The following NRXN1 variants were observed in gnomAD, a reference collection of about 807,000 sequenced individuals.
NRXN1 encodes the protein neurexin-1.
In NRXN1, 39 loss-of-function variants were observed where a neutral mutation model predicts 150.9. The ratio of observed to expected loss-of-function variants is 0.26; its 90% CI spans 0.20 to 0.34. The LOEUF (loss-of-function observed/expected upper bound fraction) is 0.34. NRXN1 is among the 10% of genes least tolerant of loss of function. The pLI, the probability that NRXN1 is intolerant of heterozygous loss-of-function variation, is 1.00. For missense variants in NRXN1, 1,815 were observed against 1,949.9 expected (o/e 0.93, Z 1.30); for synonymous variants, 924 against 757.0 (o/e 1.22, Z -3.62).
intron 18 of NRXN1, among the ~76,000 whole-genome samples, chr2:50,113,182 G>A (rs1702601648): frequency 6.6e-6 from 1 of 152,120 alleles, no homozygotes; most frequent in African/African-American, 2.4e-5. Context: ...GATCACAGTA[G>A]GTACTTAATA....
chr2:50,913,988 G>A (rs1256832159), intron 5 of NRXN1, among the ~76,000 whole-genome samples: 2 of 151,706 alleles, frequency 1.3e-5, no homozygotes, highest in African/African-American at 2.4e-5. Context: ...TAATGACTAC[G>A]ATTGAATGAA....
At chr2:50,604,760 A>G (rs1426560680) in intron 8 of NRXN1, among the ~76,000 whole-genome samples, 1 of 152,212 alleles carries the variant, frequency 6.6e-6, no homozygotes, top group African/African-American at 2.4e-5. Context: ...TCTCTCTTAT[A>G]GAACCTGTTT....
intron 18 of NRXN1, among the ~76,000 whole-genome samples, chr2:50,205,272 A>G (rs73930311): frequency 0.077 from 11,727 of 152,154 alleles, 575 homozygotes; most frequent in African/African-American, 0.12. Context: ...AAATGAGTAT[A>G]TGTGCTGTAG....
chr2:50,848,928 T>C (rs930234971), intron 5 of NRXN1, among the ~76,000 whole-genome samples: 3 of 152,156 alleles, frequency 2.0e-5, no homozygotes, highest in Non-Finnish European at 4.4e-5. Context: ...AGGAACAGAT[T>C]TGCCTTAACG....
chr2:49,938,629 T>A (rs1337389566), intron 22 of NRXN1, among the ~76,000 whole-genome samples: 1 of 152,200 alleles, frequency 6.6e-6, no homozygotes, highest in African/African-American at 2.4e-5. Flanking sequence ...CCATTAGCTA[T>A]CCATCCCCTA....
At chr2:50,872,564 T>C (rs980944819) in intron 5 of NRXN1, among the ~76,000 whole-genome samples, 1 of 151,660 alleles carries the variant, frequency 6.6e-6, no homozygotes, top group African/African-American at 2.4e-5. Flanking sequence ...TTATGCTAAA[T>C]AGTCAGGTCT....
chr2:50,031,000 G>C (rs1689092919), intron 21 of NRXN1, among the ~76,000 whole-genome samples: 1 of 151,762 alleles, frequency 6.6e-6, no homozygotes, highest in African/African-American at 2.4e-5. Flanking sequence ...GAGAGAGGGG[G>C]ACAAAAAAGG....
Position 50,602,907 on chromosome 2 carries a change from C to G in NRXN1, c.1320+17115G>C, listed in dbSNP as rs536461282. 5.3e-5 allele frequency among the ~76,000 whole-genome samples: 8 copies of G among 152,312 alleles called. No individual in the cohort carries two copies. The South Asian group carries it at 6.2e-4, about 12-fold the overall frequency. The stretch of plus-strand genomic sequence containing the variant: ...TTATATTCTTTAATGGACTCCAGCC[C>G]TGGGGCCAGCAGAGCTAGAACAGAA... On this transcript the variant is annotated intron_variant, in intron 8 of 22. Coordinates refer to ENST00000401669, the MANE Select transcript of NRXN1 (RefSeq NM_001330078.2).
chr2:50,154,610 A>C (rs564990964), intron 18 of NRXN1, among the ~76,000 whole-genome samples: 1 of 151,788 alleles, frequency 6.6e-6, no homozygotes, highest in East Asian at 1.9e-4. Flanking sequence ...ATATTATAGT[A>C]CTTCAATAAA....
At chr2:50,614,428 G>C (rs903573644) in intron 8 of NRXN1, among the ~76,000 whole-genome samples, 5 of 151,886 alleles carry the variant, frequency 3.3e-5, no homozygotes, top group Admixed American at 3.3e-4. Flanking sequence ...ATGAGATTTT[G>C]TTCTTACGTG....
At chr2:50,201,149 C>A (rs1300291394) in intron 18 of NRXN1, among the ~76,000 whole-genome samples, 2 of 152,084 alleles carry the variant, frequency 1.3e-5, no homozygotes, top group South Asian at 4.1e-4. Flanking sequence ...AGGCACCGTA[C>A]TAAATGCTAT....
intron 6 of NRXN1, 38 bp downstream of exon 6, chr2:50,623,276 A>G: frequency 6.4e-7 from 1 of 1,567,002 alleles, no homozygotes. Flanking sequence ...TATAGCGAGA[A>G]ACAAAGCCAG....
At chr2:49,960,905 G>A (rs1409177854) in intron 21 of NRXN1, among the ~76,000 whole-genome samples, 3 of 152,100 alleles carry the variant, frequency 2.0e-5, no homozygotes, top group African/African-American at 7.2e-5. Context: ...GGAATCCATA[G>A]CATACTATAA....
intron 5 of NRXN1, among the ~76,000 whole-genome samples, chr2:50,789,742 G>A (rs377274416): frequency 6.6e-6 from 1 of 152,200 alleles, no homozygotes; most frequent in East Asian, 1.9e-4. Context: ...TGGGGGATAT[G>A]CAGAGAAAGT....
chr2:50,680,514 C>T (rs1690223099), intron 5 of NRXN1, among the ~76,000 whole-genome samples: 1 of 152,016 alleles, frequency 6.6e-6, no homozygotes, highest in Admixed American at 6.6e-5. Flanking sequence ...AATGTTGATA[C>T]AAAGTCAAAC....
At chr2:50,503,197 A>G (rs1398991694) in intron 13 of NRXN1, among the ~76,000 whole-genome samples, 2 of 152,066 alleles carry the variant, frequency 1.3e-5, no homozygotes, top group Non-Finnish European at 2.9e-5. Context: ...AATCCCAGCT[A>G]CTTGGGAAGC....
At chr2:49,945,076 C>A (rs189987285) in intron 21 of NRXN1, 1 of 152,052 alleles carries the variant, frequency 6.6e-6, no homozygotes, top group African/African-American at 2.4e-5. Context: ...TGTTCAGATG[C>A]GAATGCTTTA....
intron 21 of NRXN1, among the ~76,000 whole-genome samples, chr2:50,008,323 T>C (rs1558682105): frequency 6.6e-6 from 1 of 152,132 alleles, no homozygotes; most frequent in Non-Finnish European, 1.5e-5. Context: ...TTCTTTTCTA[T>C]ATCCTCTTGG....
intron 18 of NRXN1, among the ~76,000 whole-genome samples, chr2:50,118,142 G>A (rs6716404): frequency 2.0e-5 from 3 of 152,024 alleles, no homozygotes; most frequent in Admixed American, 1.3e-4. Context: ...GAATGTGTCC[G>A]TTAGTAAGAA....
Sources: allele counts gnomAD v4.1 joint callset (sites outside exome capture counted in the v4.1 genomes callset), GRCh38; gene constraint gnomAD v4.1.1; transcripts MANE v1.5; gene names NCBI Gene and HGNC (gene_info 2026-07-23, HGNC 2026-07-21).